Variants in DPF3 observed in about 807,000 individuals in gnomAD.
DPF3 encodes the protein double PHD fingers 3.
DPF3 carries 18 observed loss-of-function variants against 56.8 expected under a neutral mutation model. That is an observed-to-expected ratio of 0.32 (90% CI 0.22 to 0.47). DPF3 has a LOEUF of 0.47. Among genes scored for constraint, DPF3 ranks in the 20% least tolerant of loss-of-function variants. The pLI is 1.00. For missense variants in DPF3, 403 were observed against 488.8 expected, an observed-to-expected ratio of 0.82 and a Z score of 1.65; for synonymous variants, 188 against 180.2, an observed-to-expected ratio of 1.04 and a Z score of -0.35.
chr14:72,637,101 G>A (rs1283070907), intron 8 of DPF3, among the ~76,000 whole-genome samples: 1 of 152,176 alleles, frequency 6.6e-6, no homozygotes, highest in Non-Finnish European at 1.5e-5. Flanking sequence ...ACCATACAAA[G>A]CACATTCATG....
intron 6 of DPF3, among the ~76,000 whole-genome samples, chr14:72,698,954 T>C (rs1374824739): frequency 6.6e-6 from 1 of 152,038 alleles, no homozygotes; most frequent in African/African-American, 2.4e-5. Context: ...AGCAAAGAGA[T>C]GCACATGTTT....
rs12895881 is a variant in DPF3, at chr14:72,617,780, G to T, written c.*1517C>A. Among the ~76,000 whole-genome samples the T allele has an allele frequency of 8.3e-3, 1,265 of 152,296 alleles. 11 individuals carry two copies. The highest frequency in any genetic ancestry group is 0.013 in the Non-Finnish European group (886 of 68,020). ...GTGGCCCAACTAGCCCGAGTCTCCG[G>T]GAGCGTCCTCAGGAGCTGAAGAACT... On this transcript the variant is annotated 3_prime_UTR_variant, in exon 11 of 11. Coordinates refer to ENST00000556509, the MANE Select transcript of DPF3 (RefSeq NM_001280542.3).
Position 72,674,381 on chromosome 14 carries a change from T to C in DPF3, c.743-13A>G. On this transcript the variant is annotated splice_polypyrimidine_tract_variant and intron_variant, in intron 7 of 10. Transcript: ENST00000556509. ...GGTCCTTTCTGGGCTGTGGGAACAT[T>C]TAAAACATTCCAATTTCAGGCTTAC... 1 of 1,610,550 alleles carries C rather than the reference T, an allele frequency of 6.2e-7. No individual in the cohort carries two copies. Among genetic ancestry groups the C allele is most frequent in the Non-Finnish European group, 8.5e-7 (1 of 1,178,342 alleles).
chr14:72,781,150 A>G (rs1411585434), intron 1 of DPF3, among the ~76,000 whole-genome samples: 2 of 152,232 alleles, frequency 1.3e-5, no homozygotes, highest in Non-Finnish European at 2.9e-5. Context: ...CAGTTAGCAG[A>G]CTTTGTTTCA....
intron 8 of DPF3, among the ~76,000 whole-genome samples, chr14:72,632,892 T>A (rs540422956): frequency 8.2e-6 from 1 of 122,412 alleles, no homozygotes. Flanking sequence ...GAAGGAAGGA[T>A]GAAGGGGCTG....
chr14:72,716,494 C>T (rs1056867553), intron 5 of DPF3, among the ~76,000 whole-genome samples: 25 of 152,166 alleles, frequency 1.6e-4, no homozygotes, highest in African/African-American at 5.6e-4. Context: ...GACCAACTTA[C>T]ATCCACTCAC....
chr14:72,841,573 T>C (rs192470325), intron 1 of DPF3, among the ~76,000 whole-genome samples: 168 of 152,190 alleles, frequency 1.1e-3, no homozygotes, highest in African/African-American at 3.8e-3. Flanking sequence ...ATTTATTTGG[T>C]CTATTCTTGA....
chr14:72,873,879 C>A (rs566672215), intron 1 of DPF3, among the ~76,000 whole-genome samples: 42 of 150,540 alleles, frequency 2.8e-4, no homozygotes, highest in African/African-American at 9.8e-4. Context: ...ACAATGAGAA[C>A]ACATGGACAC....
intron 6 of DPF3, among the ~76,000 whole-genome samples, chr14:72,698,328 C>G (rs1315641321): frequency 2.6e-5 from 4 of 152,138 alleles, no homozygotes. Flanking sequence ...ATGCTTTATT[C>G]TAAAATAGGC....
intron 9 of DPF3, among the ~76,000 whole-genome samples, chr14:72,629,126 G>A (rs1249295027): frequency 6.6e-6 from 1 of 152,122 alleles, no homozygotes; most frequent in African/African-American, 2.4e-5. Context: ...TAATATTTTG[G>A]TTATTTAGGT....
At chr14:72,751,641 T>C (rs1228614381) in intron 3 of DPF3, among the ~76,000 whole-genome samples, 1 of 152,218 alleles carries the variant, frequency 6.6e-6, no homozygotes, top group Non-Finnish European at 1.5e-5. Flanking sequence ...CACAATGGAA[T>C]TGAAAAAGAG....
At chr14:72,831,023 C>T (rs980474942) in intron 1 of DPF3, among the ~76,000 whole-genome samples, 5 of 152,182 alleles carry the variant, frequency 3.3e-5, no homozygotes, top group Admixed American at 6.5e-5. Context: ...TCAGGGCCAG[C>T]CATGAACGTC....
chr14:72,814,766 C>T (rs1200405788), intron 1 of DPF3, among the ~76,000 whole-genome samples: 1 of 151,520 alleles, frequency 6.6e-6, no homozygotes, highest in Admixed American at 6.6e-5. Flanking sequence ...GCCGAGATCG[C>T]GCCACTGCAC....
chr14:72,637,132 T>G (rs1183298489), intron 8 of DPF3, among the ~76,000 whole-genome samples: 2 of 152,218 alleles, frequency 1.3e-5, no homozygotes, highest in African/African-American at 4.8e-5. Flanking sequence ...ACGGGCACTT[T>G]TAATAGGCTA....
intron 1 of DPF3, among the ~76,000 whole-genome samples, chr14:72,790,825 C>T (rs560873711): frequency 1.8e-4 from 28 of 152,232 alleles, no homozygotes; most frequent in African/African-American, 5.3e-4. Context: ...AGCCCCATCG[C>T]CTCTTTCTCT....
intron 8 of DPF3, 58 bp from the exon 9 acceptor site, chr14:72,629,794 C>T (rs1019973792): frequency 1.5e-5 from 20 of 1,326,630 alleles, no homozygotes; most frequent in Non-Finnish European, 2.0e-5. Flanking sequence ...CACCCCTCAA[C>T]ACCACTCACT....
chr14:72,756,928 A>AAGAAAGAAAGAAAGAAAGAGAGAAG (rs1428028523), intron 2 of DPF3, among the ~76,000 whole-genome samples: 1 of 139,048 alleles, frequency 7.2e-6, no homozygotes, highest in African/African-American at 3.1e-5. Flanking sequence ...GAAAGAAAGA[A>AAGAAAGAAAGAAAGAAAGAGAGAAG]AGAAGAGAAG....
chr14:72,840,806 C>T (rs1884514674), intron 1 of DPF3, among the ~76,000 whole-genome samples: 2 of 152,158 alleles, frequency 1.3e-5, no homozygotes, highest in African/African-American at 2.4e-5. Flanking sequence ...AACCAAAGAC[C>T]ATTTTCCAAC....
intron 1 of DPF3, among the ~76,000 whole-genome samples, chr14:72,818,498 A>T (rs1883386831): frequency 6.6e-6 from 1 of 152,086 alleles, no homozygotes; most frequent in African/African-American, 2.4e-5. Context: ...TGGGAAACAC[A>T]GAAAGACCCT....
Sources: allele counts gnomAD v4.1 joint callset (sites outside exome capture counted in the v4.1 genomes callset), GRCh38; gene constraint gnomAD v4.1.1; transcripts MANE v1.5; gene names NCBI Gene and HGNC (gene_info 2026-07-23, HGNC 2026-07-21).